SUGCT: variants seen among roughly 807,000 people sequenced by gnomAD.
SUGCT encodes the protein succinyl-CoA:glutarate-CoA transferase.
A neutral mutation model predicts 55.0 loss-of-function variants in SUGCT; 41 were observed. That is an observed-to-expected ratio of 0.74 (90% CI 0.58 to 0.97). The LOEUF (loss-of-function observed/expected upper bound fraction) is 0.97, where lower values mean the gene tolerates loss of function less well. SUGCT is among the 50% of genes least tolerant of loss of function. SUGCT has a pLI of 0.00. For synonymous variants in SUGCT, 187 were observed against 200.4 expected (o/e 0.93, Z 0.56); for missense variants, 568 against 547.8 (o/e 1.04, Z -0.37).
intron 9 of SUGCT, among the ~76,000 whole-genome samples, chr7:40,362,192 G>A (rs1370142429): frequency 6.6e-6 from 1 of 152,110 alleles, no homozygotes; most frequent in African/African-American, 2.4e-5. Flanking sequence ...GCCGAGGTGG[G>A]CAGATGACCT....
At chr7:40,306,211 GTCTCAGTTTTTAT>G (rs1794846497) in intron 8 of SUGCT, among the ~76,000 whole-genome samples, 1 of 152,216 alleles carries the variant, frequency 6.6e-6, no homozygotes. Flanking sequence ...TTAATAGCTT[GTCTCAGTTTTTAT>G]TCTCAATACT....
At chr7:40,328,550 A>C (rs1796128341) in intron 9 of SUGCT, among the ~76,000 whole-genome samples, 1 of 152,182 alleles carries the variant, frequency 6.6e-6, no homozygotes, top group African/African-American at 2.4e-5. Flanking sequence ...GTAGAAACCA[A>C]GTAGACAGTT....
intron 12 of SUGCT, among the ~76,000 whole-genome samples, chr7:40,557,194 G>A (rs1187644675): frequency 3.3e-5 from 5 of 152,178 alleles, no homozygotes; most frequent in African/African-American, 1.2e-4. Flanking sequence ...CACCACACAT[G>A]TGGGGTAAGC....
chr7:41,021,512 A>G, the SUGCT span, among the ~76,000 whole-genome samples: 2,046 of 152,236 alleles, frequency 0.013, 45 homozygotes, highest in African/African-American at 0.045. Flanking sequence ...ATTCAGAAAA[A>G]CTTTCAGTCT....
rs565072364 is a variant in SUGCT, at chr7:40,781,354, G to GAT, written c.1153+31859_1153+31860dup. Among the ~76,000 whole-genome samples the GAT allele has an allele frequency of 8.5e-5, 13 of 152,188 alleles. No homozygotes were observed. The South Asian group carries it at 2.5e-3, about 29-fold the overall frequency. ...GATAGCGATGGAAATCATAATAAAA[G>GAT]ATAAGTAACAATCGAATCTGCAGTC... On this transcript the variant is annotated intron_variant, in intron 13 of 13. Transcript: ENST00000335693.
At chr7:40,216,214 A>G (rs1363455795) in intron 6 of SUGCT, among the ~76,000 whole-genome samples, 1 of 152,010 alleles carries the variant, frequency 6.6e-6, no homozygotes, top group East Asian at 1.9e-4. Context: ...CAAGAAAGCA[A>G]GATGGGGCTG....
At chr7:40,321,188 C>G (rs901208984) in intron 9 of SUGCT, among the ~76,000 whole-genome samples, 1 of 150,072 alleles carries the variant, frequency 6.7e-6, no homozygotes, top group Admixed American at 6.6e-5. Flanking sequence ...TGATTCTCCC[C>G]CCTCGGCCTC....
chr7:40,236,433 T>C (rs111398318), intron 6 of SUGCT, among the ~76,000 whole-genome samples: 2,761 of 35,966 alleles, frequency 0.077, 91 homozygotes, highest in African/African-American at 0.28. Context: ...TGTTGATTCT[T>C]TCTGATGGCA....
intron 9 of SUGCT, among the ~76,000 whole-genome samples, chr7:40,339,653 G>A (rs186624461): frequency 3.3e-5 from 5 of 152,260 alleles, no homozygotes; most frequent in East Asian, 3.9e-4. Flanking sequence ...TCACAGCTTC[G>A]CTTGGCTAGG....
intron 13 of SUGCT, among the ~76,000 whole-genome samples, chr7:40,838,151 G>C (rs1466352981): frequency 6.6e-6 from 1 of 152,132 alleles, no homozygotes; most frequent in Admixed American, 6.5e-5. Flanking sequence ...CTTGATGATT[G>C]TAACTGTATA....
At chr7:40,948,899 T>G in the SUGCT span, among the ~76,000 whole-genome samples, 4 of 152,178 alleles carry the variant, frequency 2.6e-5, no homozygotes, top group Admixed American at 2.6e-4. Context: ...ATTGTGAATA[T>G]TGCTGCAATA....
intron 12 of SUGCT, among the ~76,000 whole-genome samples, chr7:40,720,590 TAGTC>T (rs1416798474): frequency 2.6e-5 from 4 of 152,178 alleles, no homozygotes; most frequent in Admixed American, 1.3e-4. Context: ...ACTACAGTAT[TAGTC>T]AGACTCTTTC....
chr7:40,758,250 T>G (rs1788357011), intron 13 of SUGCT, among the ~76,000 whole-genome samples: 1 of 151,996 alleles, frequency 6.6e-6, no homozygotes, highest in Middle Eastern at 3.2e-3. Context: ...TCTTGGTGCA[T>G]GAAGAGATAA....
At chr7:40,200,231 G>C (rs1786514628) in intron 6 of SUGCT, among the ~76,000 whole-genome samples, 1 of 152,106 alleles carries the variant, frequency 6.6e-6, no homozygotes, top group Admixed American at 6.6e-5. Flanking sequence ...TGAGTGCTCA[G>C]GGCAAACAAT....
intron 12 of SUGCT, among the ~76,000 whole-genome samples, chr7:40,738,196 T>TAAA (rs71714222): frequency 3.6e-5 from 4 of 111,032 alleles, no homozygotes; most frequent in Admixed American, 1.0e-4. Context: ...GACTCCATCT[T>TAAA]AAAAAAAAAA....
At chr7:40,655,033 A>G (rs186411833) in intron 12 of SUGCT, among the ~76,000 whole-genome samples, 26 of 152,338 alleles carry the variant, frequency 1.7e-4, no homozygotes, top group African/African-American at 6.0e-4. Flanking sequence ...GGTGACTATA[A>G]TTATAGGCAA....
At chr7:40,578,575 G>A (rs1796904158) in intron 12 of SUGCT, among the ~76,000 whole-genome samples, 1 of 151,326 alleles carries the variant, frequency 6.6e-6, no homozygotes, top group African/African-American at 2.4e-5. Flanking sequence ...CAGTGGTTCT[G>A]TCCTGATTAT....
chr7:40,898,018 G>C, the SUGCT span, among the ~76,000 whole-genome samples: 1 of 152,150 alleles, frequency 6.6e-6, no homozygotes, highest in South Asian at 2.1e-4. Context: ...GGTGTGAAAG[G>C]TGTGTTCTTT....
intron 12 of SUGCT, among the ~76,000 whole-genome samples, chr7:40,744,311 A>G (rs1362939052): frequency 6.6e-6 from 1 of 151,786 alleles, no homozygotes; most frequent in Non-Finnish European, 1.5e-5. Context: ...AATACTTCCA[A>G]TTTTCACAGC....
Sources: gnomAD v4.1 joint callset for allele counts (sites outside exome capture counted in the v4.1 genomes callset) on GRCh38, gnomAD v4.1.1 for gene constraint, MANE v1.5 for transcripts, NCBI Gene and HGNC (gene_info 2026-07-23, HGNC 2026-07-21) for gene names.